The following MECOM variants were observed in gnomAD, a reference collection of about 807,000 sequenced individuals.
The protein encoded by MECOM is histone-lysine N-methyltransferase MECOM.
MECOM carries 13 observed loss-of-function variants against 116.3 expected under a neutral mutation model. The ratio of observed to expected loss-of-function variants is 0.11; its 90% CI spans 0.07 to 0.18. The LOEUF (loss-of-function observed/expected upper bound fraction) is 0.18, where lower values mean the gene tolerates loss of function less well. Among genes scored for constraint, MECOM ranks in the 10% least tolerant of loss-of-function variants. The pLI is 1.00. For synonymous variants in MECOM, 528 were observed against 535.2 expected (o/e 0.99, Z 0.19); for missense variants, 1,299 against 1,509.0 (o/e 0.86, Z 2.31).
intron 2 of MECOM, among the ~76,000 whole-genome samples, chr3:169,319,952 C>T (rs1417537815): frequency 2.0e-5 from 3 of 152,306 alleles, no homozygotes; most frequent in Admixed American, 2.0e-4. Flanking sequence ...AATCACCTAA[C>T]CAGACCCCTT....
intron 2 of MECOM, among the ~76,000 whole-genome samples, chr3:169,373,781 A>G (rs1290790): frequency 1.3e-5 from 2 of 151,792 alleles, no homozygotes; most frequent in Non-Finnish European, 2.9e-5. Flanking sequence ...TGGATTATAC[A>G]TGTCTGAATT....
chr3:169,436,728 A>G (rs1031841008), intron 1 of MECOM, among the ~76,000 whole-genome samples: 1 of 152,168 alleles, frequency 6.6e-6, no homozygotes, highest in Non-Finnish European at 1.5e-5. Flanking sequence ...CTCAAAAACT[A>G]TGTGTTAGAC....
At chr3:169,125,235 A>C (rs16853203) in intron 5 of MECOM, among the ~76,000 whole-genome samples, 4,442 of 152,122 alleles carry the variant, frequency 0.029, 66 homozygotes, top group South Asian at 0.068. Context: ...TTTGTTACAG[A>C]GTGGAATGTT....
At chr3:169,272,814 C>T (rs1759113237) in intron 2 of MECOM, among the ~76,000 whole-genome samples, 1 of 152,154 alleles carries the variant, frequency 6.6e-6, no homozygotes, top group African/African-American at 2.4e-5. Flanking sequence ...CCCCTTACCC[C>T]ATCCCTCACA....
At chr3:169,545,091 T>C (rs2109257832) in intron 1 of MECOM, among the ~76,000 whole-genome samples, 1 of 152,264 alleles carries the variant, frequency 6.6e-6, no homozygotes, top group East Asian at 1.9e-4. Flanking sequence ...TGTTCCCAGG[T>C]TAAGGTAAGA....
At chr3:169,160,728 C>A (rs958331832) in intron 2 of MECOM, among the ~76,000 whole-genome samples, 3 of 151,640 alleles carry the variant, frequency 2.0e-5, no homozygotes, top group Admixed American at 2.0e-4. Flanking sequence ...GTTATTGATA[C>A]CCTCATTTAA....
At position 169,430,463 on chromosome 3, in the gene MECOM, T is replaced by C. The variant is rs9637449; in HGVS notation, c.38-48939A>G. 1.4e-3 allele frequency among the ~76,000 whole-genome samples: 213 copies of C among 152,296 alleles called. 3 individuals carry two copies. The East Asian group carries it at 0.037, about 27-fold the overall frequency. ...CAGTAATTTTTTTCAAGTAATTTTT[T>C]AGGCCCTTGGAAAACTAATAGCTCT... is the stretch of plus-strand genomic sequence containing the variant. On this transcript the variant is annotated intron_variant, in intron 1 of 16. Coordinates refer to ENST00000651503, the MANE Select transcript of MECOM (RefSeq NM_004991.4).
At chr3:169,289,824 T>G (rs1422324812) in intron 2 of MECOM, among the ~76,000 whole-genome samples, 6 of 152,198 alleles carry the variant, frequency 3.9e-5, no homozygotes, top group Non-Finnish European at 7.4e-5. Flanking sequence ...GCTAGTTATT[T>G]CTTTGTGTCT....
At chr3:169,114,269 A>C (rs988876024) in intron 8 of MECOM, among the ~76,000 whole-genome samples, 1 of 152,158 alleles carries the variant, frequency 6.6e-6, no homozygotes, top group Non-Finnish European at 1.5e-5. Context: ...AAGCAGCCAA[A>C]CTTGGTACTG....
intron 1 of MECOM, among the ~76,000 whole-genome samples, chr3:169,454,390 GAAAA>G: frequency 8.9e-6 from 1 of 111,792 alleles, no homozygotes; most frequent in East Asian, 2.6e-4. Flanking sequence ...TTTCTTTCAG[GAAAA>G]AAAAAAAAAA....
intron 10 of MECOM, among the ~76,000 whole-genome samples, chr3:169,107,594 A>G (rs1363860844): frequency 6.6e-6 from 1 of 152,158 alleles, no homozygotes; most frequent in Non-Finnish European, 1.5e-5. Context: ...TCCACCAAAT[A>G]ATGGTTGTTT....
chr3:169,229,453 G>A (rs1001974112), intron 2 of MECOM, among the ~76,000 whole-genome samples: 3 of 152,114 alleles, frequency 2.0e-5, no homozygotes, highest in African/African-American at 7.2e-5. Flanking sequence ...TCCAGGGACT[G>A]GCAAGGCTTA....
Position 169,663,461 on chromosome 3 carries a change from C to G in MECOM, c.-89G>C. On this transcript the variant is annotated 5_prime_UTR_variant, in exon 1 of 17. Transcript: ENST00000651503. ...TCTTTTGCTCTCCCTCTCGCTCCCT[C>G]CCTCTCTCTCCTGTCTCTCTCTCTC... 1 of 1,291,436 alleles carries G rather than the reference C, an allele frequency of 7.7e-7. No individual in the cohort carries two copies. The allele number at this position is 1,291,436 out of a possible 1,614,324, so 80.0% of individuals were successfully genotyped here.
At chr3:169,317,004 T>C (rs893244639) in intron 2 of MECOM, among the ~76,000 whole-genome samples, 9 of 152,316 alleles carry the variant, frequency 5.9e-5, no homozygotes, top group Non-Finnish European at 1.0e-4. Context: ...AAAAAGGGCA[T>C]GATTCCAGAG....
chr3:169,232,555 G>C (rs1753527489), intron 2 of MECOM, among the ~76,000 whole-genome samples: 1 of 151,890 alleles, frequency 6.6e-6, no homozygotes, highest in Non-Finnish European at 1.5e-5. Flanking sequence ...CCAACAAAGA[G>C]TTACATGTTT....
intron 1 of MECOM, among the ~76,000 whole-genome samples, chr3:169,646,096 T>C (rs2110059607): frequency 6.6e-6 from 1 of 152,272 alleles, no homozygotes; most frequent in South Asian, 2.1e-4. Flanking sequence ...GGCTGCATAG[T>C]ATTCCATGGT....
chr3:169,283,414 C>CAAAA (rs59862177), intron 2 of MECOM, among the ~76,000 whole-genome samples: 1 of 143,330 alleles, frequency 7.0e-6, no homozygotes, highest in Non-Finnish European at 1.6e-5. Context: ...GACCCCATCT[C>CAAAA]AAAAAAAAAA....
intron 2 of MECOM, among the ~76,000 whole-genome samples, chr3:169,194,040 G>A (rs1286957763): frequency 6.6e-6 from 1 of 151,878 alleles, no homozygotes; most frequent in Non-Finnish European, 1.5e-5. Flanking sequence ...AAAATTTAAT[G>A]AAAATTTTAT....
At chr3:169,505,676 G>T (rs1755123851) in intron 1 of MECOM, among the ~76,000 whole-genome samples, 1 of 152,164 alleles carries the variant, frequency 6.6e-6, no homozygotes, top group Non-Finnish European at 1.5e-5. Context: ...TGGATCTCCA[G>T]AACTTAGCCA....
Sources: gnomAD v4.1 joint callset for allele counts (sites outside exome capture counted in the v4.1 genomes callset) on GRCh38, gnomAD v4.1.1 for gene constraint, MANE v1.5 for transcripts, NCBI Gene and HGNC (gene_info 2026-07-23, HGNC 2026-07-21) for gene names.